Variants in CLIP1 observed in about 807,000 individuals in gnomAD.
CLIP1 encodes CAP-Gly domain containing linker protein 1, also known as CAP-Gly domain-containing linker protein 1.
A neutral mutation model predicts 161.6 loss-of-function variants in CLIP1; 66 were observed. The ratio of observed to expected loss-of-function variants is 0.41; its 90% CI spans 0.33 to 0.50. CLIP1 has a LOEUF of 0.50. Among genes scored for constraint, CLIP1 ranks in the 20% least tolerant of loss-of-function variants. The probability of loss-of-function intolerance (pLI) is 0.27; values close to 1 mark genes in which losing one functional copy is unlikely to be tolerated. For missense variants in CLIP1, 1,376 were observed against 1,702.0 expected, an observed-to-expected ratio of 0.81 and a Z score of 3.37; for synonymous variants, 598 against 626.2, an observed-to-expected ratio of 0.96 and a Z score of 0.67.
intron 20 of CLIP1, among the ~76,000 whole-genome samples, chr12:122,305,243 C>T (rs750459723): frequency 3.3e-5 from 5 of 152,138 alleles, no homozygotes; most frequent in Non-Finnish European, 5.9e-5. Flanking sequence ...GTGACTATTT[C>T]TATAGAAGAA....
At chr12:122,422,102 C>A (rs1956965720) in intron 1 of CLIP1, among the ~76,000 whole-genome samples, 1 of 152,126 alleles carries the variant, frequency 6.6e-6, no homozygotes, top group African/African-American at 2.4e-5. Flanking sequence ...GCGCCCGGGG[C>A]AACAGGTCCC....
chr12:122,319,466 A>C, intron 17 of CLIP1, 118 bp from the exon 18 acceptor site: 1 of 712,454 alleles, frequency 1.4e-6, no homozygotes, highest in Non-Finnish European at 2.5e-6. Flanking sequence ...GGAGGCACAC[A>C]GAGAGGGTGA....
chr12:122,414,654 C>T (rs1408187649), intron 1 of CLIP1, among the ~76,000 whole-genome samples: 3 of 151,834 alleles, frequency 2.0e-5, no homozygotes, highest in Non-Finnish European at 2.9e-5. Flanking sequence ...TTAGAAGAGA[C>T]GGGGTTTCAC....
At chr12:122,357,597 C>G (rs1393937007) in intron 5 of CLIP1, among the ~76,000 whole-genome samples, 1 of 131,164 alleles carries the variant, frequency 7.6e-6, no homozygotes, top group Non-Finnish European at 1.6e-5. Flanking sequence ...CCGCCCCGTC[C>G]GGAAGGTGAG....
At chr12:122,287,427 T>C (rs1955904074) in intron 21 of CLIP1, among the ~76,000 whole-genome samples, 2 of 152,230 alleles carry the variant, frequency 1.3e-5, no homozygotes, top group South Asian at 4.1e-4. Flanking sequence ...TTACTGGTTA[T>C]GCTATTCTTT....
At chr12:122,333,929 G>A in intron 14 of CLIP1, 98 bp downstream of exon 14, 1 of 731,892 alleles carries the variant, frequency 1.4e-6, no homozygotes, top group Admixed American at 2.2e-5. Flanking sequence ...AAGAGGCTAT[G>A]CCTGAATAGT....
At chr12:122,275,555 G>C (rs1955376977) in intron 24 of CLIP1, 1 of 151,998 alleles carries the variant, frequency 6.6e-6, no homozygotes, top group African/African-American at 2.4e-5. Flanking sequence ...ACGTTGCAGT[G>C]AGCCATGACT....
intron 1 of CLIP1, among the ~76,000 whole-genome samples, chr12:122,409,874 AT>A (rs770849234): frequency 5.6e-4 from 80 of 141,948 alleles, no homozygotes; most frequent in African/African-American, 7.8e-4. Context: ...TGTTATTTTT[AT>A]TTTTTTTTTT....
intron 21 of CLIP1, among the ~76,000 whole-genome samples, chr12:122,287,627 C>T (rs1404074379): frequency 6.6e-6 from 1 of 152,100 alleles, no homozygotes; most frequent in Non-Finnish European, 1.5e-5. Context: ...AGAGCAAAGA[C>T]TTATCAGCTT....
intron 1 of CLIP1, among the ~76,000 whole-genome samples, chr12:122,388,738 GT>G (rs763112758): frequency 8.6e-5 from 13 of 151,944 alleles, no homozygotes; most frequent in South Asian, 2.1e-4. Flanking sequence ...CCAGGTAATT[GT>G]TTTTTATTTC....
chr12:122,360,410 C>CAA (rs34294939), intron 5 of CLIP1, among the ~76,000 whole-genome samples: 42 of 87,318 alleles, frequency 4.8e-4, no homozygotes, highest in East Asian at 9.5e-4. Flanking sequence ...CCTCTCTCTA[C>CAA]AAAAAAAAAA....
At chr12:122,292,296 C>A (rs1176790129) in intron 20 of CLIP1, among the ~76,000 whole-genome samples, 1 of 152,074 alleles carries the variant, frequency 6.6e-6, no homozygotes, top group African/African-American at 2.4e-5. Flanking sequence ...AGCCACTACT[C>A]CTGGCTTCCA....
In CLIP1 at chr12:122,336,646, CT is replaced by C; in HGVS notation, c.2553del (p.Glu852AsnfsTer5). The C allele has an allele frequency of 1.9e-6, 3 of 1,597,670 alleles. No individual in the cohort carries two copies. The highest frequency in any genetic ancestry group is 2.6e-6 in the Non-Finnish European group (3 of 1,166,846). On this transcript the variant is annotated frameshift_variant, in exon 12 of 26. Transcript: ENST00000620786. LOFTEE classifies it high-confidence loss of function. ...EVSQVKETLE[K>X]ELQILKEKFA... is the part of the protein sequence containing the mutation. ...CAGGTACTTACCAAAATCTGAAGTT[CT>C]TTTTCCAAAGTCTCTTTCACTTGAC...
At chr12:122,357,676 G>A (rs1480825374) in intron 5 of CLIP1, among the ~76,000 whole-genome samples, 4 of 149,264 alleles carry the variant, frequency 2.7e-5, no homozygotes, top group African/African-American at 7.4e-5. Flanking sequence ...CGCCCCGTCC[G>A]GGAGGGAGAT....
At chr12:122,316,218 T>C (rs1951265104) in intron 19 of CLIP1, among the ~76,000 whole-genome samples, 1 of 150,990 alleles carries the variant, frequency 6.6e-6, no homozygotes. Context: ...GTCACTTCTT[T>C]TTTTTTTTTT....
intron 5 of CLIP1, among the ~76,000 whole-genome samples, chr12:122,357,205 C>G (rs1953452410): frequency 6.6e-6 from 1 of 151,856 alleles, no homozygotes. Flanking sequence ...GCGTCTCTGC[C>G]CGGCCGCCCA....
At chr12:122,339,029 G>C (rs1030033531) in intron 11 of CLIP1, among the ~76,000 whole-genome samples, 3 of 152,222 alleles carry the variant, frequency 2.0e-5, no homozygotes, top group African/African-American at 7.2e-5. Flanking sequence ...AAAAAGTTCA[G>C]AACATTGAGC....
chr12:122,316,322 C>T (rs1951269698), intron 19 of CLIP1, among the ~76,000 whole-genome samples: 1 of 152,008 alleles, frequency 6.6e-6, no homozygotes, highest in Non-Finnish European at 1.5e-5. Context: ...GCGATCCTCC[C>T]ACCTCAGCCT....
intron 1 of CLIP1, among the ~76,000 whole-genome samples, chr12:122,391,283 G>A (rs1349420236): frequency 5.3e-5 from 8 of 151,632 alleles, no homozygotes; most frequent in South Asian, 4.2e-4. Context: ...GCAAGACTCC[G>A]TCTAACAAAA....
Sources: allele counts gnomAD v4.1 joint callset (sites outside exome capture counted in the v4.1 genomes callset), GRCh38; gene constraint gnomAD v4.1.1; transcripts MANE v1.5; gene names NCBI Gene and HGNC (gene_info 2026-07-23, HGNC 2026-07-21).